Variants in SGCZ observed in about 807,000 individuals in gnomAD.
The protein encoded by SGCZ is zeta-sarcoglycan.
In SGCZ, 40 loss-of-function variants were observed where a neutral mutation model predicts 41.3. The observed-to-expected ratio is 0.97, with a 90% CI of 0.75 to 1.26. The LOEUF (loss-of-function observed/expected upper bound fraction) is 1.26. Among genes scored for constraint, SGCZ ranks in the 50% most tolerant of loss-of-function variants. The probability of loss-of-function intolerance (pLI) is 0.00; values close to 1 mark genes in which losing one functional copy is unlikely to be tolerated. For synonymous variants in SGCZ, 206 were observed against 137.5 expected (o/e 1.50, Z -3.49); for missense variants, 552 against 369.8 (o/e 1.49, Z -4.04).
At chr8:15,209,928 A>C (rs571342092) in intron 1 of SGCZ, among the ~76,000 whole-genome samples, 2 of 152,270 alleles carry the variant, frequency 1.3e-5, no homozygotes, top group Admixed American at 6.5e-5. Context: ...AATTTTGACC[A>C]ATTATATTTT....
chr8:14,556,609 T>C (rs1032139465), intron 1 of SGCZ, among the ~76,000 whole-genome samples: 1 of 151,996 alleles, frequency 6.6e-6, no homozygotes, highest in African/African-American at 2.4e-5. Flanking sequence ...TCCCCCTGAG[T>C]GCCCAAAGTC....
intron 1 of SGCZ, among the ~76,000 whole-genome samples, chr8:15,136,582 T>C (rs1273400757): frequency 6.6e-6 from 1 of 152,038 alleles, no homozygotes; most frequent in Non-Finnish European, 1.5e-5. Context: ...AACTGAATCA[T>C]GGGGGTGGTT....
chr8:14,710,367 A>C (rs11987651), intron 1 of SGCZ, among the ~76,000 whole-genome samples: 6,103 of 83,258 alleles, frequency 0.073, 444 homozygotes, highest in African/African-American at 0.25. Flanking sequence ...GAGACTCCGC[A>C]TCAAAAAAAA....
chr8:14,449,181 A>G (rs192110195), intron 2 of SGCZ, among the ~76,000 whole-genome samples: 2 of 152,298 alleles, frequency 1.3e-5, no homozygotes, highest in Non-Finnish European at 2.9e-5. Flanking sequence ...ATTAAGCAGC[A>G]TTCAAGGGTT....
chr8:14,277,954 G>A (rs576037064), intron 3 of SGCZ, among the ~76,000 whole-genome samples: 27 of 152,046 alleles, frequency 1.8e-4, no homozygotes, highest in Non-Finnish European at 3.1e-4. Context: ...AGAAGTCATC[G>A]CCATGCCCAG....
intron 4 of SGCZ, among the ~76,000 whole-genome samples, chr8:14,226,388 C>T (rs1367435219): frequency 6.6e-6 from 1 of 151,986 alleles, no homozygotes; most frequent in Non-Finnish European, 1.5e-5. Flanking sequence ...TCGCTTTGTA[C>T]CTAAACCCTC....
At chr8:14,728,178 A>T (rs938725016) in intron 1 of SGCZ, among the ~76,000 whole-genome samples, 1 of 152,312 alleles carries the variant, frequency 6.6e-6, no homozygotes, top group Non-Finnish European at 1.5e-5. Flanking sequence ...CAATGTCAAA[A>T]TGCATCGAAG....
At chr8:15,011,896 T>C (rs949551936) in intron 1 of SGCZ, among the ~76,000 whole-genome samples, 1 of 152,216 alleles carries the variant, frequency 6.6e-6, no homozygotes, top group African/African-American at 2.4e-5. Flanking sequence ...GTTTATTCTT[T>C]TCTCATTTAA....
chr8:14,528,102 T>A (rs2117117531), intron 2 of SGCZ, among the ~76,000 whole-genome samples: 1 of 152,212 alleles, frequency 6.6e-6, no homozygotes, highest in South Asian at 2.1e-4. Context: ...ACCTTACTTG[T>A]ACACATAATA....
At chr8:14,831,788 G>GTGTGTGCACATACATGTATATA (rs1802538609) in intron 1 of SGCZ, among the ~76,000 whole-genome samples, 1 of 149,850 alleles carries the variant, frequency 6.7e-6, no homozygotes, top group Non-Finnish European at 1.5e-5. Flanking sequence ...ACGTATATAT[G>GTGTGTGCACATACATGTATATA]TGTGTACACA....
chr8:15,224,239 A>G (rs527338677), intron 1 of SGCZ, among the ~76,000 whole-genome samples: 25 of 152,334 alleles, frequency 1.6e-4, no homozygotes, highest in Non-Finnish European at 3.5e-4. Context: ...TTTCATAAAG[A>G]TTCAGGAAAG....
At chr8:14,450,739 T>C (rs1800568959) in intron 2 of SGCZ, among the ~76,000 whole-genome samples, 1 of 152,184 alleles carries the variant, frequency 6.6e-6, no homozygotes, top group African/African-American at 2.4e-5. Context: ...ATCTCTGTCA[T>C]TATGATGGAT....
chr8:14,416,078 C>G (rs1189811252), intron 2 of SGCZ, among the ~76,000 whole-genome samples: 2 of 151,910 alleles, frequency 1.3e-5, no homozygotes, highest in Non-Finnish European at 2.9e-5. Flanking sequence ...CTTGAGGAGA[C>G]TCCATAGCAT....
chr8:14,372,574 G>T (rs918671870), intron 2 of SGCZ, among the ~76,000 whole-genome samples: 1 of 152,082 alleles, frequency 6.6e-6, no homozygotes, highest in South Asian at 2.1e-4. Flanking sequence ...AAGTACAGGT[G>T]GGTTAAGTGC....
At chr8:14,911,598 A>G (rs1223691031) in intron 1 of SGCZ, among the ~76,000 whole-genome samples, 2 of 152,054 alleles carry the variant, frequency 1.3e-5, no homozygotes, top group Non-Finnish European at 2.9e-5. Context: ...TCACTGAGAA[A>G]TGTATCTTGA....
At chr8:14,588,394 G>A (rs117475932) in intron 1 of SGCZ, among the ~76,000 whole-genome samples, 3,629 of 151,596 alleles carry the variant, frequency 0.024, 79 homozygotes, top group East Asian at 0.062. Flanking sequence ...TATGATATAG[G>A]TAAACACATC....
chr8:14,585,481 T>C (rs1805027420), intron 1 of SGCZ, among the ~76,000 whole-genome samples: 1 of 152,152 alleles, frequency 6.6e-6, no homozygotes, highest in Non-Finnish European at 1.5e-5. Context: ...ATGACTCCCA[T>C]ATTATGAATA....
At chr8:14,737,517 C>G (rs1470566009) in intron 1 of SGCZ, among the ~76,000 whole-genome samples, 2 of 152,060 alleles carry the variant, frequency 1.3e-5, no homozygotes, top group Non-Finnish European at 2.9e-5. Flanking sequence ...CTTGTTAGGG[C>G]TGATATAACA....
intron 1 of SGCZ, among the ~76,000 whole-genome samples, chr8:15,108,416 T>C (rs978280576): frequency 1.3e-5 from 2 of 152,210 alleles, no homozygotes; most frequent in East Asian, 1.9e-4. Flanking sequence ...ACACCTGTAA[T>C]CCATTTGTTG....
Sources: allele counts gnomAD v4.1 joint callset (sites outside exome capture counted in the v4.1 genomes callset), GRCh38; gene constraint gnomAD v4.1.1; transcripts MANE v1.5; gene names NCBI Gene and HGNC (gene_info 2026-07-23, HGNC 2026-07-21).